LRRC20: variants seen among roughly 807,000 people sequenced by gnomAD.
The protein encoded by LRRC20 is leucine rich repeat containing 20, also known as leucine-rich repeat-containing protein 20.
LRRC20 carries 11 observed loss-of-function variants against 14.4 expected under a neutral mutation model. That is an observed-to-expected ratio of 0.77 (90% CI 0.48 to 1.27). The LOEUF (loss-of-function observed/expected upper bound fraction) is 1.27, where lower values mean the gene tolerates loss of function less well. Among genes scored for constraint, LRRC20 ranks in the 50% most tolerant of loss-of-function variants. LRRC20 has a pLI of 0.00. For missense variants in LRRC20, 219 were observed against 251.2 expected, an observed-to-expected ratio of 0.87 and a Z score of 0.87; for synonymous variants, 121 against 107.3, an observed-to-expected ratio of 1.13 and a Z score of -0.79.
chr10:70,341,067 C>T (rs529280768), intron 2 of LRRC20, among the ~76,000 whole-genome samples: 2 of 152,318 alleles, frequency 1.3e-5, no homozygotes, highest in East Asian at 1.9e-4. Flanking sequence ...GACTCGACAG[C>T]GCAGATGCAG....
chr10:70,323,941 G>A lies in LRRC20; in HGVS notation c.322C>T (p.Gln108Ter). ...AGCTGCTCAGGGAAGTCCTGGAACT[G>A]GTTCCGGGACAGGTCAATGGCCTTG... is the stretch of plus-strand genomic sequence containing the variant. ...HLKAIDLSRN[Q>*]FQDFPEQLTA... The change falls in exon 4 of 5, where the codon CAG becomes TAG. Residue 108 changes from glutamine to a stop codon, truncating the protein, a stop_gained. Coordinates refer to ENST00000446961, the MANE Select transcript of LRRC20 (RefSeq NM_001278212.2). LOFTEE classifies it high-confidence loss of function. The A allele has an allele frequency of 6.2e-7, 1 of 1,614,184 alleles. No homozygotes were observed.
At chr10:70,318,585 C>T (rs1841958845) in intron 4 of LRRC20, among the ~76,000 whole-genome samples, 2 of 151,998 alleles carry the variant, frequency 1.3e-5, no homozygotes, top group South Asian at 4.1e-4. Context: ...AAAAACCCAT[C>T]TCTACCAAAA....
chr10:70,300,916 C>T lies in LRRC20; in HGVS notation c.*438G>A, dbSNP rs1047015674. Reference sequence around the variant, plus strand: ...CTTCTCTTCTCAGGGCAGCAACTGGCTCTCAGCACTAAAAACAAGGCCTCA... The same window carrying T: ...CTTCTCTTCTCAGGGCAGCAACTGGTTCTCAGCACTAAAAACAAGGCCTCA... On this transcript the variant is annotated 3_prime_UTR_variant, in exon 5 of 5. Coordinates refer to ENST00000446961, the MANE Select transcript of LRRC20 (RefSeq NM_001278212.2). 1 of 991,100 alleles carries T rather than the reference C, an allele frequency of 1.0e-6. No homozygotes were observed. The highest frequency in any genetic ancestry group is 1.2e-6 in the Non-Finnish European group (1 of 833,942). The allele number at this position is 991,100 out of a possible 1,614,324, so 61.4% of individuals were successfully genotyped here. A position where few individuals can be genotyped will look rare whatever the true frequency, so the allele number is the denominator to read the frequency against.
At chr10:70,366,606 T>C in intron 2 of LRRC20, among the ~76,000 whole-genome samples, 1 of 152,086 alleles carries the variant, frequency 6.6e-6, no homozygotes, top group East Asian at 1.9e-4. Flanking sequence ...ATACCGAGTG[T>C]TGAAAAGGAT....
chr10:70,341,720 G>A (rs1012520875), intron 2 of LRRC20, among the ~76,000 whole-genome samples: 1 of 152,034 alleles, frequency 6.6e-6, no homozygotes, highest in Non-Finnish European at 1.5e-5. Flanking sequence ...GTGGGCCCAG[G>A]TCATACCACT....
intron 2 of LRRC20, among the ~76,000 whole-genome samples, chr10:70,354,992 T>C (rs1843468137): frequency 1.3e-5 from 2 of 152,112 alleles, no homozygotes; most frequent in Non-Finnish European, 1.5e-5. Flanking sequence ...TTGGACTAGA[T>C]GATTTGGGGT....
intron 4 of LRRC20, among the ~76,000 whole-genome samples, chr10:70,322,766 G>A (rs1469884340): frequency 2.0e-5 from 3 of 152,120 alleles, no homozygotes; most frequent in Non-Finnish European, 2.9e-5. Context: ...GCAACCCGAT[G>A]CACTCTCATG....
Position 70,358,782 on chromosome 10 carries a change from T to G in LRRC20, c.82+17670A>C, listed in dbSNP as rs148230863. Among the ~76,000 whole-genome samples the G allele has an allele frequency of 1.9e-3, 290 of 152,268 alleles. 1 individual carries two copies. Among genetic ancestry groups the G allele is most frequent in the African/African-American group, 6.5e-3 (272 of 41,544 alleles). On this transcript the variant is annotated intron_variant, in intron 2 of 4. Transcript: ENST00000446961. ...AGGACACTTGTCTTAGCGTGGGACC[T>G]GGACTGTTTTCTCCTGGCTGGTAGA... is the stretch of plus-strand genomic sequence containing the variant.
chr10:70,346,191 T>C (rs1426839537), intron 2 of LRRC20, among the ~76,000 whole-genome samples: 2 of 152,102 alleles, frequency 1.3e-5, no homozygotes, highest in Non-Finnish European at 2.9e-5. Flanking sequence ...AGGCCAAGAT[T>C]GTATCACTGC....
intron 3 of LRRC20, among the ~76,000 whole-genome samples, chr10:70,333,208 A>C (rs1842602829): frequency 6.6e-6 from 1 of 152,194 alleles, no homozygotes; most frequent in South Asian, 2.1e-4. Flanking sequence ...GAGGTACCAG[A>C]GGCTCAGAGC....
chr10:70,352,524 G>A (rs1843349935), intron 2 of LRRC20, among the ~76,000 whole-genome samples: 1 of 152,184 alleles, frequency 6.6e-6, no homozygotes, highest in Non-Finnish European at 1.5e-5. Context: ...ATTAATCTGA[G>A]CCTAAGGCTG....
At chr10:70,345,782 T>C (rs757423680) in intron 2 of LRRC20, among the ~76,000 whole-genome samples, 2 of 152,206 alleles carry the variant, frequency 1.3e-5, no homozygotes, top group Non-Finnish European at 2.9e-5. Flanking sequence ...GCTAAGTTGA[T>C]CAAGGGAAAT....
At chr10:70,335,890 G>A (rs535154625) in intron 3 of LRRC20, among the ~76,000 whole-genome samples, 4 of 152,070 alleles carry the variant, frequency 2.6e-5, no homozygotes, top group South Asian at 2.1e-4. Flanking sequence ...ATTTCCTCTG[G>A]AGGCTTTCTG....
At chr10:70,324,100 G>C in intron 3 of LRRC20, 70 bp from the exon 4 acceptor site, 2 of 1,440,684 alleles carry the variant, frequency 1.4e-6, no homozygotes, top group Non-Finnish European at 1.9e-6. Context: ...GTGACTGCCC[G>C]CTGTGGCTCT....
intron 3 of LRRC20, 33 bp downstream of exon 3, chr10:70,340,520 A>G (rs1489836390): frequency 1.2e-6 from 2 of 1,613,400 alleles, no homozygotes; most frequent in Admixed American, 1.7e-5. Context: ...AGAGCTGGCC[A>G]TGCCCTCCTG....
chr10:70,345,502 A>G (rs1348955346), intron 2 of LRRC20, among the ~76,000 whole-genome samples: 3 of 152,166 alleles, frequency 2.0e-5, no homozygotes, highest in Non-Finnish European at 4.4e-5. Flanking sequence ...TAGAAGCTTA[A>G]AAAGAGTAAA....
chr10:70,366,662 G>GT (rs1364387318), intron 2 of LRRC20, among the ~76,000 whole-genome samples: 4 of 152,110 alleles, frequency 2.6e-5, no homozygotes, highest in African/African-American at 9.7e-5. Context: ...GAGTGTGGTA[G>GT]TTTTTTATAG....
chr10:70,327,092 T>C (rs925014388), intron 3 of LRRC20, among the ~76,000 whole-genome samples: 1 of 152,228 alleles, frequency 6.6e-6, no homozygotes. Context: ...TGTTGGGAGC[T>C]TGCCCCTGTC....
At chr10:70,358,470 C>G (rs981122671) in intron 2 of LRRC20, among the ~76,000 whole-genome samples, 2 of 152,194 alleles carry the variant, frequency 1.3e-5, no homozygotes, top group South Asian at 4.1e-4. Flanking sequence ...AGGAATCCAC[C>G]CCTGTAAGCA....
Sources: allele counts gnomAD v4.1 joint callset (sites outside exome capture counted in the v4.1 genomes callset), GRCh38; gene constraint gnomAD v4.1.1; transcripts MANE v1.5; gene names NCBI Gene and HGNC (gene_info 2026-07-23, HGNC 2026-07-21).